Variants in SHQ1 observed in about 807,000 individuals in gnomAD.
SHQ1 encodes protein SHQ1 homolog.
SHQ1 carries 49 observed loss-of-function variants against 53.8 expected under a neutral mutation model. The observed-to-expected ratio is 0.91, with a 90% confidence interval of 0.72 to 1.16. The LOEUF is 1.16. Among genes scored for constraint, SHQ1 ranks in the 50% most tolerant of loss-of-function variants. The probability of loss-of-function intolerance (pLI) is 0.00; values close to 1 mark genes in which losing one functional copy is unlikely to be tolerated. For synonymous variants in SHQ1, 243 were observed against 251.0 expected, an observed-to-expected ratio of 0.97 and a Z score of 0.30; for missense variants, 738 against 683.1, an observed-to-expected ratio of 1.08 and a Z score of -0.90.
the SHQ1 span, among the ~76,000 whole-genome samples, chr3:72,730,074 TC>T: frequency 6.6e-6 from 1 of 152,108 alleles, no homozygotes; most frequent in Non-Finnish European, 1.5e-5. Flanking sequence ...TGCCTCGGCT[TC>T]CCAAAGTGCT....
chr3:72,773,772 A>T (rs1360895670), intron 10 of SHQ1, among the ~76,000 whole-genome samples: 2 of 152,244 alleles, frequency 1.3e-5, no homozygotes, highest in African/African-American at 4.8e-5. Flanking sequence ...TCAAAGACAG[A>T]AACACATGAC....
chr3:72,843,290 T>C (rs1413964583), intron 2 of SHQ1, among the ~76,000 whole-genome samples: 1 of 152,148 alleles, frequency 6.6e-6, no homozygotes, highest in African/African-American at 2.4e-5. Context: ...CAATGGAGAA[T>C]GGCAACAGTT....
rs540319567 is a variant in SHQ1, at chr3:72,751,796, T to C, written c.1182-960A>G. Among the ~76,000 whole-genome samples, 4 of 152,156 alleles carry C rather than the reference T, an allele frequency of 2.6e-5. No individual in the cohort carries two copies. In the East Asian group the frequency reaches 7.7e-4, roughly 29 times the overall value. ...AACAAGACTGCAGGAGAAAAGGCAC[T>C]TTCATATACTGATGCAGGGAGATTA... is the stretch of plus-strand genomic sequence containing the variant. On this transcript the variant is annotated intron_variant, in intron 10 of 10. Transcript: ENST00000325599.
intron 5 of SHQ1, 27 bp from the exon 6 acceptor site, chr3:72,824,578 C>G (rs17690898): frequency 0.034 from 54,047 of 1,594,894 alleles, 1,048 homozygotes; most frequent in South Asian, 0.039. Flanking sequence ...AAAGAACTTA[C>G]TATACAGGAT....
In SHQ1 at chr3:72,841,027, T is replaced by G. The variant is rs770618706; in HGVS notation, c.486+18A>C. 6.3e-7 allele frequency: 1 copy of G among 1,594,880 alleles called. No individual in the cohort carries two copies. The highest frequency in any genetic ancestry group is 1.2e-5 in the South Asian group (1 of 86,954). On this transcript the variant is annotated intron_variant, in intron 4 of 10. Coordinates refer to ENST00000325599, the MANE Select transcript of SHQ1 (RefSeq NM_018130.3). Reference sequence around the variant, plus strand: ...GGAAAAACCCTATAGATCAAGATCTTTCAGAAAGACAACATACCTGTAACC... The same window carrying G: ...GGAAAAACCCTATAGATCAAGATCTGTCAGAAAGACAACATACCTGTAACC...
At chr3:72,829,170 G>A (rs1436829122) in intron 5 of SHQ1, among the ~76,000 whole-genome samples, 2 of 152,140 alleles carry the variant, frequency 1.3e-5, no homozygotes, top group African/African-American at 2.4e-5. Flanking sequence ...GAAAAATGGG[G>A]CATCAATCAA....
chr3:72,738,885 G>A, the SHQ1 span, among the ~76,000 whole-genome samples: 1 of 151,994 alleles, frequency 6.6e-6, no homozygotes, highest in Non-Finnish European at 1.5e-5. Flanking sequence ...CACGCGCAGT[G>A]GCCCCACCCC....
In SHQ1 at chr3:72,816,543, A is replaced by G. The variant is rs953715891; in HGVS notation, c.882+687T>C. 1.4e-4 allele frequency among the ~76,000 whole-genome samples: 22 copies of G among 152,148 alleles called. 1 individual carries two copies. Among genetic ancestry groups the G allele is most frequent in the Admixed American group, 4.6e-4 (7 of 15,268 alleles). On this transcript the variant is annotated intron_variant, in intron 7 of 10. Coordinates refer to ENST00000325599, the MANE Select transcript of SHQ1 (RefSeq NM_018130.3). The stretch of plus-strand genomic sequence containing the variant: ...GGTTTCCAGCCTTTTTAAATATACA[A>G]TCAATGGTACAGGTGAAAAGGAAGT...
chr3:72,769,256 C>T (rs780851498), intron 10 of SHQ1, among the ~76,000 whole-genome samples: 11 of 152,138 alleles, frequency 7.2e-5, no homozygotes, highest in Admixed American at 1.3e-4. Context: ...CCAGAACTTC[C>T]GTTATTTCAA....
At position 72,767,644 on chromosome 3, in the gene SHQ1, G is replaced by A. The variant is rs146306184; in HGVS notation, c.1182-16808C>T. 1.8e-3 allele frequency among the ~76,000 whole-genome samples: 272 copies of A among 152,190 alleles called. 1 individual carries two copies. The highest frequency in any genetic ancestry group is 6.3e-3 in the African/African-American group (260 of 41,528). ...TTCACTCTGTCCTCAAGACTTACTG[G>A]CAAAAACTCTTCTATAATTAGAACT... On this transcript the variant is annotated intron_variant, in intron 10 of 10. Transcript: ENST00000325599.
At chr3:72,815,975 A>G (rs1502758) in intron 7 of SHQ1, among the ~76,000 whole-genome samples, 33,151 of 152,134 alleles carry the variant, frequency 0.22, 3,833 homozygotes, top group Non-Finnish European at 0.24. Flanking sequence ...AAGATTTAAT[A>G]TGAAGCATTT....
At chr3:72,844,143 C>T (rs543531959) in intron 2 of SHQ1, among the ~76,000 whole-genome samples, 2 of 152,244 alleles carry the variant, frequency 1.3e-5, no homozygotes, top group African/African-American at 2.4e-5. Flanking sequence ...GAGCAGTTAA[C>T]TTTACTTTGA....
chr3:72,820,894 A>G lies in SHQ1; in HGVS notation c.728-3510T>C, dbSNP rs73093270. Among the ~76,000 whole-genome samples, 576 of 152,354 alleles carry G rather than the reference A, an allele frequency of 3.8e-3. 2 individuals carry two copies. The highest frequency in any genetic ancestry group is 6.8e-3 in the Middle Eastern group (2 of 294). Reference sequence around the variant, plus strand: ...CCCCACCAATATGTCTGAAGGCTGCAAAGGGACTATCAAAATGAAAGATGT... The same window carrying G: ...CCCCACCAATATGTCTGAAGGCTGCGAAGGGACTATCAAAATGAAAGATGT... On this transcript the variant is annotated intron_variant, in intron 6 of 10. Transcript: ENST00000325599.
intron 8 of SHQ1, among the ~76,000 whole-genome samples, chr3:72,814,284 G>A (rs967111272): frequency 2.6e-5 from 4 of 152,122 alleles, no homozygotes; most frequent in African/African-American, 7.2e-5. Flanking sequence ...CACAGAAACC[G>A]ATTCCTCTAT....
the SHQ1 span, among the ~76,000 whole-genome samples, chr3:72,735,976 A>C: frequency 1.3e-5 from 2 of 152,132 alleles, no homozygotes; most frequent in Non-Finnish European, 2.9e-5. Context: ...GGTTTTCCTC[A>C]CATAGATACA....
At chr3:72,773,408 G>A in intron 10 of SHQ1, 1 of 442,166 alleles carries the variant, frequency 2.3e-6, no homozygotes. Flanking sequence ...AGTAGCAGTG[G>A]TGGTAGATGA....
chr3:72,836,215 C>T (rs777445547), intron 4 of SHQ1, among the ~76,000 whole-genome samples: 2 of 152,168 alleles, frequency 1.3e-5, no homozygotes, highest in East Asian at 1.9e-4. Flanking sequence ...CTTGGACAGG[C>T]ATTGTGGCTC....
intron 4 of SHQ1, among the ~76,000 whole-genome samples, chr3:72,834,843 T>C (rs1250502272): frequency 6.6e-6 from 1 of 152,172 alleles, no homozygotes; most frequent in African/African-American, 2.4e-5. Flanking sequence ...CAGTAACATC[T>C]CTATCACAGC....
At position 72,832,403 on chromosome 3, in the gene SHQ1, C is replaced by T. The variant is rs200631457; in HGVS notation, c.565G>A (p.Ala189Thr). The T allele has an allele frequency of 2.9e-5, 47 of 1,612,306 alleles. No individual in the cohort carries two copies. Among genetic ancestry groups the T allele is most frequent in the Non-Finnish European group, 3.4e-5 (40 of 1,179,810 alleles). ...AAERRQKRLA[A>T]ELAKFDPDHY... Reference sequence around the variant, plus strand: ...TCAGGATCAAACTTGGCCAGCTCAGCGGCCAGGCGCTTCTGTCTTCGTTCA... The same window carrying T: ...TCAGGATCAAACTTGGCCAGCTCAGTGGCCAGGCGCTTCTGTCTTCGTTCA... The change falls in exon 5 of 11, where the codon GCT becomes ACT. Residue 189 changes from alanine to threonine, a missense_variant. Physicochemically the swap from Ala to Thr is moderately conservative, Grantham distance 58. Coordinates refer to ENST00000325599, the MANE Select transcript of SHQ1 (RefSeq NM_018130.3).
Sources: allele counts gnomAD v4.1 joint callset (sites outside exome capture counted in the v4.1 genomes callset), GRCh38; gene constraint gnomAD v4.1.1; transcripts MANE v1.5; gene names NCBI Gene and HGNC (gene_info 2026-07-23, HGNC 2026-07-21).